ITCH: variants seen among roughly 807,000 people sequenced by gnomAD.
ITCH encodes the protein E3 ubiquitin-protein ligase Itchy homolog.
Under a neutral mutation model 126.8 loss-of-function variants are expected in ITCH, and 28 were observed. The ratio of observed to expected loss-of-function variants is 0.22; its 90% CI spans 0.16 to 0.30. The LOEUF is 0.30. Ranked by LOEUF, ITCH falls within the 10% of genes least tolerant of loss-of-function variation. The pLI, the probability that ITCH is intolerant of heterozygous loss-of-function variation, is 1.00. For synonymous variants in ITCH, 342 were observed against 340.0 expected, an observed-to-expected ratio of 1.01 and a Z score of -0.06; for missense variants, 631 against 1,032.4, an observed-to-expected ratio of 0.61 and a Z score of 5.33.
chr20:34,486,475 G>A (rs1055000720), intron 20 of ITCH, among the ~76,000 whole-genome samples: 3 of 151,650 alleles, frequency 2.0e-5, no homozygotes, highest in East Asian at 3.9e-4. Context: ...ATAGGCACCC[G>A]CCACCACGCC....
At chr20:34,474,583 A>G (rs1007416747) in intron 16 of ITCH, among the ~76,000 whole-genome samples, 2 of 152,224 alleles carry the variant, frequency 1.3e-5, no homozygotes, top group Non-Finnish European at 2.9e-5. Context: ...AGACACGGCA[A>G]CCATCCGATT....
rs1389122902 is a variant in ITCH at position 34,503,893 on chromosome 20, T to TG, written c.2417-438_2417-437insG. On this transcript the variant is annotated intron_variant, in intron 23 of 24. Transcript: ENST00000374864. The stretch of plus-strand genomic sequence containing the variant: ...TGGTTTTTTTTTTTTTGGTTTTTTT[T>TG]TTTTTTGAGATAGGGTCTCGTTCTG... Among the ~76,000 whole-genome samples the TG allele has an allele frequency of 3.5e-4, 50 of 143,196 alleles. 1 individual carries two copies. Among genetic ancestry groups the TG allele is most frequent in the African/African-American group, 1.1e-3 (39 of 36,750 alleles). 93.9% of individuals were successfully genotyped at this position (143,196 alleles called of 152,430 possible).
rs1488785464 is a variant in ITCH, at chr20:34,387,113, GC to G, written c.-21-6676del. Reference sequence around the variant, plus strand: ...AGGTCAGGCATTCGAGACCAGCCTGGCCAACATGGCAAAACCCCATCTCTAC... The same window carrying G: ...AGGTCAGGCATTCGAGACCAGCCTGGCAACATGGCAAAACCCCATCTCTAC... On this transcript the variant is annotated intron_variant, in intron 2 of 24. Coordinates refer to ENST00000374864, the MANE Select transcript of ITCH (RefSeq NM_031483.7). Among the ~76,000 whole-genome samples, 5 of 151,478 alleles carry G rather than the reference GC, an allele frequency of 3.3e-5. No individual in the cohort carries two copies. In the East Asian group the frequency reaches 9.8e-4, roughly 30 times the overall value.
chr20:34,471,258 A>G (rs772055977), intron 15 of ITCH, among the ~76,000 whole-genome samples, 186 bp from the exon 16 acceptor site: 39 of 152,342 alleles, frequency 2.6e-4, no homozygotes, highest in Admixed American at 4.6e-4. Flanking sequence ...CTGTTTGCAT[A>G]TATTAATCTG....
At chr20:34,474,027 T>A (rs1987889380) in intron 16 of ITCH, among the ~76,000 whole-genome samples, 1 of 152,170 alleles carries the variant, frequency 6.6e-6, no homozygotes, top group Admixed American at 6.5e-5. Context: ...GGTAAACAGA[T>A]GAGATTATAT....
At chr20:34,375,663 TG>T (rs1406358767) in intron 2 of ITCH, among the ~76,000 whole-genome samples, 1 of 150,438 alleles carries the variant, frequency 6.6e-6, no homozygotes, top group Non-Finnish European at 1.5e-5. Flanking sequence ...CTTAAGGTCT[TG>T]GGAATACACT....
intron 3 of ITCH, among the ~76,000 whole-genome samples, chr20:34,399,888 T>C (rs1056674014): frequency 2.2e-4 from 34 of 151,986 alleles, no homozygotes; most frequent in African/African-American, 7.5e-4. Flanking sequence ...CTATAGTGGC[T>C]GGGACTACAG....
intron 12 of ITCH, among the ~76,000 whole-genome samples, chr20:34,453,523 G>A (rs1204701346): frequency 2.6e-5 from 4 of 152,070 alleles, no homozygotes; most frequent in African/African-American, 7.2e-5. Context: ...CTTGAGCCCC[G>A]GAGGTCAAGG....
chr20:34,378,402 G>T (rs1276100611), intron 2 of ITCH, among the ~76,000 whole-genome samples: 2 of 149,740 alleles, frequency 1.3e-5, no homozygotes, highest in Non-Finnish European at 3.0e-5. Flanking sequence ...GAACCCAGGA[G>T]GCAGAGGTTG....
chr20:34,437,464 C>T (rs927673590), intron 7 of ITCH, among the ~76,000 whole-genome samples: 7 of 152,116 alleles, frequency 4.6e-5, no homozygotes, highest in Non-Finnish European at 8.8e-5. Context: ...CCCTGCCATG[C>T]CCAGCTACTT....
At chr20:34,422,919 T>G (rs1184006782) in intron 6 of ITCH, among the ~76,000 whole-genome samples, 1 of 152,048 alleles carries the variant, frequency 6.6e-6, no homozygotes, top group Non-Finnish European at 1.5e-5. Flanking sequence ...CTCAGACTCC[T>G]GAGTGGTTGG....
At chr20:34,464,293 T>C (rs535288584) in intron 14 of ITCH, among the ~76,000 whole-genome samples, 46 of 150,850 alleles carry the variant, frequency 3.0e-4, no homozygotes, top group South Asian at 6.3e-4. Flanking sequence ...CGGCCTGTTT[T>C]TTCTTTTTTT....
chr20:34,414,124 A>G (rs1568913533), intron 6 of ITCH, among the ~76,000 whole-genome samples: 2 of 151,500 alleles, frequency 1.3e-5, no homozygotes, highest in South Asian at 4.2e-4. Context: ...CCTAGGTGAC[A>G]GAGTGAGACC....
At chr20:34,471,558 C>A in intron 16 of ITCH, 43 bp downstream of exon 16, 1 of 1,197,038 alleles carries the variant, frequency 8.4e-7, no homozygotes, top group Non-Finnish European at 1.3e-6. Context: ...TGGCTGCTAG[C>A]TTAGGACCCG....
intron 3 of ITCH, among the ~76,000 whole-genome samples, chr20:34,398,812 C>T (rs763316459): frequency 2.6e-5 from 4 of 151,764 alleles, no homozygotes; most frequent in Admixed American, 2.0e-4. Flanking sequence ...ACAAACACAC[C>T]ATGAATAATG....
chr20:34,482,325 G>A (rs1001022338), intron 20 of ITCH, among the ~76,000 whole-genome samples: 14 of 152,172 alleles, frequency 9.2e-5, no homozygotes, highest in Admixed American at 3.3e-4. Context: ...ACAGTCCAAA[G>A]TCTCATCTGG....
intron 5 of ITCH, 75 bp downstream of exon 5, chr20:34,412,714 A>G: frequency 8.3e-7 from 1 of 1,203,106 alleles, no homozygotes; most frequent in Non-Finnish European, 1.2e-6. Context: ...TCAAACATGC[A>G]TAATGACTCA....
rs117798469 is a variant in ITCH, at chr20:34,392,627, C to T, written c.-21-1164C>T. On this transcript the variant is annotated intron_variant, in intron 2 of 24. Coordinates refer to ENST00000374864, the MANE Select transcript of ITCH (RefSeq NM_031483.7). ...TACAGTTTCAAGGCATTTTGTTTGC[C>T]TTATTGTATTTGTGTACTTCTTCCA... Among the ~76,000 whole-genome samples the T allele has an allele frequency of 5.3e-3, 811 of 152,268 alleles. 4 individuals are homozygous for T. Among genetic ancestry groups the T allele is most frequent in the Non-Finnish European group, 9.7e-3 (658 of 68,014 alleles).
chr20:34,413,816 T>C lies in ITCH; in HGVS notation c.412T>C (p.Cys138Arg). 6.2e-7 allele frequency: 1 copy of C among 1,613,858 alleles called. No homozygotes were observed. The highest frequency in any genetic ancestry group is 8.5e-7 in the Non-Finnish European group (1 of 1,179,798). ...PTETIGDLSI[C>R]LDGLQLESEV... ...AGAGACAATAGGAGACTTGTCAATT[T>C]GTCTTGATGGGCTACAGTTAGAGTC... Residue 138 changes from cysteine to arginine, a missense_variant, in exon 6 of 25, where the codon TGT becomes CGT. Coordinates refer to ENST00000374864, the MANE Select transcript of ITCH (RefSeq NM_031483.7).
Sources: gnomAD v4.1 joint callset for allele counts (sites outside exome capture counted in the v4.1 genomes callset) on GRCh38, gnomAD v4.1.1 for gene constraint, MANE v1.5 for transcripts, NCBI Gene and HGNC (gene_info 2026-07-23, HGNC 2026-07-21) for gene names.